The following MCC variants were observed in gnomAD, a reference collection of about 807,000 sequenced individuals.
MCC encodes the protein MCC regulator of Wnt signaling pathway.
In MCC, 90 loss-of-function variants were observed where a neutral mutation model predicts 116.2. That is an observed-to-expected ratio of 0.77 (90% CI 0.65 to 0.92). The LOEUF is 0.92. MCC is among the 40% of genes least tolerant of loss of function. The probability of loss-of-function intolerance (pLI) is 0.00; values close to 1 mark genes in which losing one functional copy is unlikely to be tolerated. For missense variants in MCC, 1,516 were observed against 1,312.2 expected (o/e 1.16, Z -2.40); for synonymous variants, 578 against 510.5 (o/e 1.13, Z -1.78).
intron 8 of MCC, among the ~76,000 whole-genome samples, chr5:113,091,613 T>C (rs189207619): frequency 4.0e-4 from 61 of 152,220 alleles, no homozygotes; most frequent in African/African-American, 1.4e-3. Context: ...CTAGGCACGG[T>C]GGCTTTGGTG....
In MCC at chr5:113,481,466, C is replaced by T. The variant is rs113303315; in HGVS notation, c.170+6779G>A. On this transcript the variant is annotated intron_variant, in intron 1 of 18. Coordinates refer to ENST00000408903, the MANE Select transcript of MCC (RefSeq NM_001085377.2). ...AAATATAAATCTTTTTGGCCAGGCG[C>T]GGTGGCTCACACCTGTAATCCCAGC... Among the ~76,000 whole-genome samples the T allele has an allele frequency of 1.9e-3, 283 of 152,148 alleles. 2 individuals carry two copies. Among genetic ancestry groups the T allele is most frequent in the African/African-American group, 6.6e-3 (274 of 41,508 alleles).
chr5:113,149,006 A>C (rs1759686126), intron 4 of MCC, among the ~76,000 whole-genome samples: 1 of 152,218 alleles, frequency 6.6e-6, no homozygotes, highest in Admixed American at 6.5e-5. Context: ...CCTCTGTAAA[A>C]GCTGTCTTTG....
In MCC at chr5:113,082,882, C is replaced by T. The variant is rs1030096104; in HGVS notation, c.1762G>A (p.Val588Met). The T allele has an allele frequency of 3.7e-6, 6 of 1,614,190 alleles. No homozygotes were observed. Among genetic ancestry groups the T allele is most frequent in the African/African-American group, 1.3e-5 (1 of 75,058 alleles). Residue 588 changes from valine (V) to methionine (M), a missense_variant, in exon 11 of 19, where the codon GTG becomes ATG. Val to Met is a conservative substitution (Grantham distance 21). Coordinates refer to ENST00000408903, the MANE Select transcript of MCC (RefSeq NM_001085377.2). Reference protein sequence around the residue: ...ISESKIREFEVETERLNSRIE... With the variant: ...ISESKIREFEMETERLNSRIE... ...CACCTATTCAGCCGTTCTGTTTCCA[C>T]CTCAAACTCTCTAATCTTGCTTTCT...
Position 113,434,818 on chromosome 5 carries a change from T to C in MCC, c.171-49606A>G. On this transcript the variant is annotated intron_variant, in intron 1 of 18. Transcript: ENST00000408903. This position sits in a 1 kb window ranked among gnomAD's most constrained non-coding sequence, Gnocchi z 4.2. ...ATCCCCAGGAGGTAGCCTCGTCGCT[T>C]GAGGACAGCAGCGTCATCCATGGTG... The C allele has an allele frequency of 6.2e-7, 1 of 1,610,822 alleles. No homozygotes were observed.
rs79708593 is a variant in MCC at position 113,035,685 on chromosome 5, G to C, written c.2757-6629C>G. On this transcript the variant is annotated intron_variant, in intron 17 of 18. Transcript: ENST00000408903. ...TTCTGCCTCTCTCCTCCTCATCTCA[G>C]CTTCAGTGTCACCTCCCAGAGAGGC... Among the ~76,000 whole-genome samples, 282 of 152,210 alleles carry C rather than the reference G, an allele frequency of 1.9e-3. 6 individuals carry two copies. The highest frequency in any genetic ancestry group is 6.4e-3 in the African/African-American group (265 of 41,512).
intron 18 of MCC, 45 bp downstream of exon 18, chr5:113,028,889 C>T: frequency 1.2e-6 from 2 of 1,600,886 alleles, no homozygotes; most frequent in Non-Finnish European, 1.7e-6. Context: ...AGTCCAAGTA[C>T]CACAGGTGGA....
Position 113,207,332 on chromosome 5 carries a change from T to C in MCC, c.628-55910A>G, listed in dbSNP as rs140890009. On this transcript the variant is annotated intron_variant, in intron 3 of 18. Transcript: ENST00000408903. ...GAGGAAAGATGTTTAGCACAGAGTCTGGTTCATGGTAAGCATCCAGTACGT... is the reference window on the plus strand; with the variant it reads ...GAGGAAAGATGTTTAGCACAGAGTCCGGTTCATGGTAAGCATCCAGTACGT... Among the ~76,000 whole-genome samples, 863 of 152,222 alleles carry C rather than the reference T, an allele frequency of 5.7e-3. 11 individuals carry two copies. The highest frequency in any genetic ancestry group is 0.018 in the African/African-American group (752 of 41,526).
chr5:113,393,084 A>G (rs1390280835), intron 1 of MCC, among the ~76,000 whole-genome samples: 2 of 152,182 alleles, frequency 1.3e-5, no homozygotes, highest in East Asian at 1.9e-4. Context: ...ACACATAGGC[A>G]AGTAATAAAA....
At chr5:113,264,830 G>C (rs1178345000) in intron 3 of MCC, among the ~76,000 whole-genome samples, 2 of 152,152 alleles carry the variant, frequency 1.3e-5, no homozygotes, top group Admixed American at 6.5e-5. Flanking sequence ...ATCACCTGAG[G>C]TTAGGAGTTT....
chr5:113,463,922 G>A (rs575940335), intron 1 of MCC, among the ~76,000 whole-genome samples: 3 of 152,290 alleles, frequency 2.0e-5, no homozygotes, highest in African/African-American at 7.2e-5. Context: ...AGCCTGCAAA[G>A]GAGATAGAAA....
intron 3 of MCC, among the ~76,000 whole-genome samples, chr5:113,324,066 C>A (rs1416329946): frequency 6.6e-6 from 1 of 152,128 alleles, no homozygotes; most frequent in Non-Finnish European, 1.5e-5. Context: ...TGCTATTATT[C>A]CAAACTCAGG....
chr5:113,102,546 G>A (rs1008117196), intron 7 of MCC, among the ~76,000 whole-genome samples: 7 of 152,190 alleles, frequency 4.6e-5, no homozygotes, highest in Admixed American at 2.0e-4. Context: ...GCTCATTGTG[G>A]AGATTTCTAA....
intron 16 of MCC, among the ~76,000 whole-genome samples, chr5:113,046,221 C>T (rs1320395488): frequency 2.6e-5 from 4 of 151,588 alleles, no homozygotes; most frequent in Admixed American, 1.3e-4. Flanking sequence ...GAGACAGAGT[C>T]TGACTCTGTC....
At chr5:113,358,886 C>T (rs958367714) in intron 2 of MCC, among the ~76,000 whole-genome samples, 3 of 152,124 alleles carry the variant, frequency 2.0e-5, no homozygotes, top group African/African-American at 7.2e-5. Flanking sequence ...GGAACCTGAT[C>T]CCCATGAGGG....
At chr5:113,427,014 C>T (rs1248112068) in intron 1 of MCC, among the ~76,000 whole-genome samples, 1 of 152,084 alleles carries the variant, frequency 6.6e-6, no homozygotes, top group South Asian at 2.1e-4. Context: ...TTAATCATGT[C>T]TTGTCTTATC....
chr5:113,049,197 G>C lies in MCC; in HGVS notation c.2551C>G (p.Leu851Val). The change falls in exon 16 of 19, where the codon CTG becomes GTG. Residue 851 changes from leucine (L) to valine (V), a missense_variant. Physicochemically the swap from Leu to Val is conservative, Grantham distance 32. Transcript: ENST00000408903. ...GACTTCAGGTGCTCAATGTGCACCA[G>C]GTAGGCCTGCTCCTGGGCCTCCCGC... is the stretch of plus-strand genomic sequence containing the variant. ...STREAQEQAY[L>V]VHIEHLKSEV... 6.2e-7 allele frequency: 1 copy of C among 1,614,188 alleles called. No homozygotes were observed. Among genetic ancestry groups the C allele is most frequent in the Non-Finnish European group, 8.5e-7 (1 of 1,180,034 alleles).
intron 3 of MCC, among the ~76,000 whole-genome samples, chr5:113,339,402 T>A (rs11241200): frequency 4.6e-5 from 7 of 150,902 alleles, no homozygotes; most frequent in South Asian, 4.2e-4. Flanking sequence ...TTATCTAGGC[T>A]TCCTTAGTGT....
intron 14 of MCC, among the ~76,000 whole-genome samples, chr5:113,061,193 C>T (rs1250983117): frequency 2.0e-5 from 3 of 152,198 alleles, no homozygotes; most frequent in Non-Finnish European, 2.9e-5. Context: ...TAGAGGCTCA[C>T]GGCAAGGCTG....
At chr5:113,246,961 A>G (rs1279102052) in intron 3 of MCC, among the ~76,000 whole-genome samples, 1 of 152,144 alleles carries the variant, frequency 6.6e-6, no homozygotes, top group Non-Finnish European at 1.5e-5. Flanking sequence ...AGAGATCCGG[A>G]GTCTTGGCAA....
Sources: allele counts gnomAD v4.1 joint callset (sites outside exome capture counted in the v4.1 genomes callset), GRCh38; gene constraint gnomAD v4.1.1; non-coding constraint Gnocchi (gnomAD v3.1); transcripts MANE v1.5; gene names NCBI Gene and HGNC (gene_info 2026-07-23, HGNC 2026-07-21).